Variants in NDUFA11 observed in about 807,000 individuals in gnomAD.
NDUFA11 encodes NADH:ubiquinone oxidoreductase subunit A11, also known as NADH dehydrogenase [ubiquinone] 1 alpha subcomplex subunit 11.
A neutral mutation model predicts 11.3 loss-of-function variants in NDUFA11; 14 were observed. That is an observed-to-expected ratio of 1.24 (90% CI 0.82 to 1.94). The LOEUF is 1.94. NDUFA11 is among the 30% of genes most tolerant of loss of function. The pLI is 0.00. For synonymous variants in NDUFA11, 87 were observed against 85.6 expected (o/e 1.02, Z -0.09); for missense variants, 204 against 200.3 (o/e 1.02, Z -0.11).
chr19:5,893,694 G>A (rs76691409), downstream of NDUFA11, among the ~76,000 whole-genome samples: 1,857 of 152,270 alleles, frequency 0.012, 34 homozygotes, highest in African/African-American at 0.042. The surrounding 1 kb of genome is among the most constrained non-coding windows in gnomAD (Gnocchi z 4.1). Context: ...GCTTGGGCCC[G>A]GGAGTTCCAG....
intron 1 of NDUFA11, among the ~76,000 whole-genome samples, chr19:5,897,642 G>A (rs189998876): frequency 2.1e-3 from 322 of 152,278 alleles, no homozygotes; most frequent in African/African-American, 7.1e-3. Context: ...ACCCAGCCTC[G>A]CCACTCCGGT....
At position 5,896,433 on chromosome 19, in the gene NDUFA11, G is replaced by A; in HGVS notation, c.313+20C>T. The A allele has an allele frequency of 3.8e-6, 5 of 1,310,930 alleles. No individual in the cohort carries two copies. Among genetic ancestry groups the A allele is most frequent in the South Asian group, 1.3e-5 (1 of 79,832 alleles). 81.2% of individuals were successfully genotyped at this position (1,310,930 alleles called of 1,614,324 possible). A position where few individuals can be genotyped will look rare whatever the true frequency, so the allele number is the denominator to read the frequency against. ...CTGCCAGGCTGGGAGGAGGGTGGGG[G>A]TGGGGAGGGGGCCACTCACTGCGTG... On this transcript the variant is annotated intron_variant, in intron 3 of 3. Coordinates refer to ENST00000308961, the MANE Select transcript of NDUFA11 (RefSeq NM_175614.5). The surrounding 1 kb of genome is among the most constrained non-coding windows in gnomAD (Gnocchi z 5.8).
chr19:5,897,083 C>T (rs1284483269), intron 1 of NDUFA11, 86 bp from the exon 2 acceptor site: 1 of 1,034,078 alleles, frequency 9.7e-7, no homozygotes, highest in African/African-American at 1.6e-5. Flanking sequence ...GGTCTCCCTC[C>T]CTCAGTCCTC....
At position 5,901,505 on chromosome 19, in the gene NDUFA11, C is replaced by T. The variant is rs1408319463; in HGVS notation, c.97+2107G>A. On this transcript the variant is annotated intron_variant, in intron 1 of 3. Coordinates refer to ENST00000308961, the MANE Select transcript of NDUFA11 (RefSeq NM_175614.5). ...GTCTGTCTTACTATTAATAAATATG[C>T]AAAATATGGGAGTGATGATTAGGTC... 8 of 1,263,824 alleles carry T rather than the reference C, an allele frequency of 6.3e-6. No individual in the cohort carries two copies. In the African/African-American group the frequency reaches 1.2e-4, roughly 19 times the overall value. The allele number at this position is 1,263,824 out of a possible 1,614,324, so 78.3% of individuals were successfully genotyped here.
At chr19:5,902,597 G>C (rs1191440902) in intron 1 of NDUFA11, 2 of 152,474 alleles carry the variant, frequency 1.3e-5, no homozygotes, top group East Asian at 3.9e-4. Context: ...GAGGGAAGAG[G>C]ACTTCCAGCT....
At chr19:5,901,260 GTCTT>G in intron 1 of NDUFA11, 5 of 1,210,088 alleles carry the variant, frequency 4.1e-6, no homozygotes, top group Non-Finnish European at 5.3e-6. Context: ...CAACATACGC[GTCTT>G]TCTCAGTTTC....
At chr19:5,893,155 C>A, downstream of NDUFA11, 1 of 1,536,086 alleles carries the variant, frequency 6.5e-7, no homozygotes, top group Non-Finnish European at 8.7e-7. The surrounding 1 kb of genome is among the most constrained non-coding windows in gnomAD (Gnocchi z 4.1). Context: ...GAGGCAGGCG[C>A]TGGAAGAAGG....
rs2057630707 is a variant in NDUFA11 at position 5,899,382 on chromosome 19, C to T, written c.98-2385G>A. 4.0e-5 allele frequency among the ~76,000 whole-genome samples: 6 copies of T among 150,364 alleles called. No individual in the cohort carries two copies. The Admixed American group carries it at 4.0e-4, about 10-fold the overall frequency. On this transcript the variant is annotated intron_variant, in intron 1 of 3. Transcript: ENST00000308961. ...GCCAGGATGGTCTCCATCTCCTGAC[C>T]TCGTGATCCGCCCGCCTCGGCCTCC...
chr19:5,893,111 C>G, downstream of NDUFA11: 1 of 1,536,068 alleles, frequency 6.5e-7, no homozygotes, highest in South Asian at 1.2e-5. The surrounding 1 kb of genome is among the most constrained non-coding windows in gnomAD (Gnocchi z 4.1). Flanking sequence ...CTGGAACACG[C>G]GTGGACATCT....
In NDUFA11 at chr19:5,896,117, G is replaced by A. The variant is rs1455257280; in HGVS notation, c.313+336C>T. The A allele has an allele frequency of 1.6e-5, 9 of 554,894 alleles. No homozygotes were observed. Among genetic ancestry groups the A allele is most frequent in the South Asian group, 5.2e-5 (2 of 38,692 alleles). The allele number at this position is 554,894 out of a possible 1,614,324, so 34.4% of individuals were successfully genotyped here. On this transcript the variant is annotated intron_variant, in intron 3 of 3. Transcript: ENST00000308961. This position sits in a 1 kb window ranked among gnomAD's most constrained non-coding sequence, Gnocchi z 5.8. The stretch of plus-strand genomic sequence containing the variant: ...GCTGGCTTGTACACAGGGTGGTCAG[G>A]ACAGTGAGGGGAACAGCATTCCACG...
At chr19:5,902,986 G>A (rs2144963086) in intron 1 of NDUFA11, among the ~76,000 whole-genome samples, 1 of 148,138 alleles carries the variant, frequency 6.8e-6, no homozygotes, top group African/African-American at 2.5e-5. Context: ...AGTCCAGCCC[G>A]GGCGACAGAG....
chr19:5,903,738 C>A lies in NDUFA11; in HGVS notation c.-30G>T. ...CGCAATCTCGATCCCGCACCACGGA[C>A]CCCGCCAGCTCGGGAAGCGCAAGGG... On this transcript the variant is annotated 5_prime_UTR_variant, in exon 1 of 4. Coordinates refer to ENST00000308961, the MANE Select transcript of NDUFA11 (RefSeq NM_175614.5). The A allele has an allele frequency of 6.5e-7, 1 of 1,549,020 alleles. No individual in the cohort carries two copies. Among genetic ancestry groups the A allele is most frequent in the Non-Finnish European group, 8.7e-7 (1 of 1,144,934 alleles).
intron 1 of NDUFA11, among the ~76,000 whole-genome samples, 200 bp downstream of exon 1, chr19:5,903,412 G>C (rs2057657970): frequency 6.6e-6 from 1 of 152,016 alleles, no homozygotes; most frequent in African/African-American, 2.4e-5. Flanking sequence ...CGACCTCCCA[G>C]TGCTCCCCAA....
chr19:5,894,827 G>A lies in NDUFA11; in HGVS notation c.341C>T (p.Ala114Val). 6.2e-7 allele frequency: 1 copy of A among 1,612,208 alleles called. No individual in the cohort carries two copies. The highest frequency in any genetic ancestry group is 8.5e-7 in the Non-Finnish European group (1 of 1,179,240). Residue 114 changes from alanine to valine, a missense_variant, in exon 4 of 4, where the codon GCC becomes GTC. Ala to Val is a moderately conservative substitution (Grantham distance 64). Transcript: ENST00000308961. ...GGCCGCTATGCCAAAGTACACGCAG[G>A]CGGCGGCGCCAATCCCGTAGTTGTG... Reference protein sequence around the residue: ...RTHNYGIGAAACVYFGIAASL... With the variant: ...RTHNYGIGAAVCVYFGIAASL...
At chr19:5,892,924 C>A, downstream of NDUFA11, 1 of 1,441,610 alleles carries the variant, frequency 6.9e-7, no homozygotes, top group South Asian at 1.5e-5. Flanking sequence ...GAATCAAGTT[C>A]TGGGGTTCGA....
chr19:5,897,525 C>T (rs999710187), intron 1 of NDUFA11, among the ~76,000 whole-genome samples: 1 of 152,126 alleles, frequency 6.6e-6, no homozygotes, highest in Non-Finnish European at 1.5e-5. Context: ...CTCTGCTTCC[C>T]TGCCTGGCTG....
chr19:5,901,827 G>A (rs1458364173), intron 1 of NDUFA11, among the ~76,000 whole-genome samples: 4 of 151,592 alleles, frequency 2.6e-5, no homozygotes, highest in South Asian at 4.2e-4. Flanking sequence ...CCACCACCAC[G>A]CCCGGCTAAT....
intron 1 of NDUFA11, chr19:5,901,475 A>G: frequency 7.8e-7 from 1 of 1,284,522 alleles, no homozygotes. Flanking sequence ...TGGAGACACA[A>G]TAACGTCTGT....
At position 5,903,755 on chromosome 19, in the gene NDUFA11, G is replaced by A. The variant is rs767534164; in HGVS notation, c.-47C>T. ...ACCACGGACCCCGCCAGCTCGGGAA[G>A]CGCAAGGGCAGCCGCGGCTGGCTAT... On this transcript the variant is annotated 5_prime_UTR_variant, in exon 1 of 4. Coordinates refer to ENST00000308961, the MANE Select transcript of NDUFA11 (RefSeq NM_175614.5). The A allele has an allele frequency of 4.2e-5, 65 of 1,537,738 alleles. No individual in the cohort carries two copies. The highest frequency in any genetic ancestry group is 5.4e-5 in the Non-Finnish European group (61 of 1,135,090).
Sources: gnomAD v4.1 joint callset for allele counts (sites outside exome capture counted in the v4.1 genomes callset) on GRCh38, gnomAD v4.1.1 for gene constraint, Gnocchi (gnomAD v3.1) non-coding constraint, MANE v1.5 for transcripts, NCBI Gene and HGNC (gene_info 2026-07-23, HGNC 2026-07-21) for gene names.